GALNT13: variants seen among roughly 807,000 people sequenced by gnomAD.
GALNT13 encodes UDP-GalNAc:polypeptide N-acetylgalactosaminyltransferase 13.
In GALNT13, 28 loss-of-function variants were observed where a neutral mutation model predicts 64.2. The observed-to-expected ratio is 0.44, with a 90% CI of 0.32 to 0.60. GALNT13 has a LOEUF of 0.60. Among genes scored for constraint, GALNT13 ranks in the 20% least tolerant of loss-of-function variants. The pLI is 0.05. For synonymous variants in GALNT13, 214 were observed against 224.6 expected, an observed-to-expected ratio of 0.95 and a Z score of 0.42; for missense variants, 577 against 669.8, an observed-to-expected ratio of 0.86 and a Z score of 1.53.
At chr2:153,072,639 C>T in the GALNT13 span, among the ~76,000 whole-genome samples, 1 of 152,130 alleles carries the variant, frequency 6.6e-6, no homozygotes, top group African/African-American at 2.4e-5. Context: ...GGGATGTTGT[C>T]CCTTCCTTTT....
chr2:153,610,063 A>G, the GALNT13 span, among the ~76,000 whole-genome samples: 1 of 152,188 alleles, frequency 6.6e-6, no homozygotes, highest in Non-Finnish European at 1.5e-5. Flanking sequence ...GTTGACTGCT[A>G]GAAGTGGGAG....
At chr2:153,557,689 C>T in the GALNT13 span, among the ~76,000 whole-genome samples, 13 of 152,156 alleles carry the variant, frequency 8.5e-5, no homozygotes, top group Non-Finnish European at 1.9e-4. Context: ...GCTTAACATC[C>T]TTCAATTGGC....
chr2:153,279,104 T>G, the GALNT13 span, among the ~76,000 whole-genome samples: 5,741 of 152,124 alleles, frequency 0.038, 358 homozygotes, highest in African/African-American at 0.13. Context: ...AGGTATTTTT[T>G]TGTGTGTGTG....
chr2:154,347,855 G>A (rs994637839), intron 9 of GALNT13, among the ~76,000 whole-genome samples: 2 of 152,142 alleles, frequency 1.3e-5, no homozygotes, highest in African/African-American at 4.8e-5. Context: ...AGATCATACT[G>A]CTAGAAATTA....
chr2:153,775,099 A>G, the GALNT13 span, among the ~76,000 whole-genome samples: 5 of 152,204 alleles, frequency 3.3e-5, no homozygotes, highest in African/African-American at 4.8e-5. Context: ...GAAGTAATGC[A>G]AATTTTCCTT....
At chr2:154,025,622 G>A (rs752230233) in intron 3 of GALNT13, among the ~76,000 whole-genome samples, 1 of 152,142 alleles carries the variant, frequency 6.6e-6, no homozygotes, top group Non-Finnish European at 1.5e-5. Context: ...TTTACACAGT[G>A]TTAATTGTAG....
the GALNT13 span, among the ~76,000 whole-genome samples, chr2:153,521,449 C>A: frequency 0.014 from 2,090 of 152,274 alleles, 60 homozygotes; most frequent in African/African-American, 0.048. Context: ...TCTCATATAT[C>A]CCTTCCGTCT....
chr2:153,466,761 T>C, the GALNT13 span, among the ~76,000 whole-genome samples: 4 of 152,096 alleles, frequency 2.6e-5, no homozygotes, highest in South Asian at 6.2e-4. Flanking sequence ...ATACAGGACC[T>C]TGTATTTTTC....
chr2:153,609,363 ATCATAGT>A, the GALNT13 span, among the ~76,000 whole-genome samples: 1 of 152,216 alleles, frequency 6.6e-6, no homozygotes, highest in African/African-American at 2.4e-5. Context: ...TGTAATAATT[ATCATAGT>A]TCATAATGAC....
At chr2:153,163,836 G>A in the GALNT13 span, among the ~76,000 whole-genome samples, 60 of 152,042 alleles carry the variant, frequency 3.9e-4, no homozygotes, top group East Asian at 3.9e-3. Context: ...TGGCTAACAC[G>A]GTGAAACCCC....
At chr2:153,605,752 G>C in the GALNT13 span, among the ~76,000 whole-genome samples, 4 of 152,084 alleles carry the variant, frequency 2.6e-5, no homozygotes, top group African/African-American at 7.2e-5. Context: ...TCTCCAAAAG[G>C]GGTTGGTCAG....
intron 3 of GALNT13, among the ~76,000 whole-genome samples, chr2:154,025,556 A>G (rs969404850): frequency 1.6e-4 from 25 of 151,996 alleles, no homozygotes; most frequent in Admixed American, 3.3e-4. Context: ...GGTTTTATTC[A>G]GTATTATCCC....
At chr2:153,510,686 C>A in the GALNT13 span, among the ~76,000 whole-genome samples, 1 of 152,010 alleles carries the variant, frequency 6.6e-6, no homozygotes, top group Non-Finnish European at 1.5e-5. Context: ...ATGTTGAGGC[C>A]TGGGCTCTGT....
the GALNT13 span, among the ~76,000 whole-genome samples, chr2:153,445,226 T>A: frequency 3.9e-5 from 6 of 152,158 alleles, no homozygotes; most frequent in African/African-American, 1.4e-4. Context: ...CTTTTTCAGC[T>A]ATAAACAAGT....
the GALNT13 span, among the ~76,000 whole-genome samples, chr2:153,378,500 A>G: frequency 6.6e-6 from 1 of 152,122 alleles, no homozygotes; most frequent in Non-Finnish European, 1.5e-5. Context: ...TACTGGATCA[A>G]TCATGGCCAA....
chr2:154,302,696 G>A (rs187131118), intron 9 of GALNT13, among the ~76,000 whole-genome samples: 2 of 152,158 alleles, frequency 1.3e-5, no homozygotes, highest in Non-Finnish European at 2.9e-5. Flanking sequence ...ACACATCAGT[G>A]AACTCATATG....
At chr2:153,596,764 T>C in the GALNT13 span, among the ~76,000 whole-genome samples, 1 of 152,028 alleles carries the variant, frequency 6.6e-6, no homozygotes, top group Non-Finnish European at 1.5e-5. Context: ...TTAACATATA[T>C]ACACATATGT....
Position 154,179,426 on chromosome 2 carries a change from C to G in GALNT13, c.311+38921C>G, listed in dbSNP as rs1047476444. Among the ~76,000 whole-genome samples the G allele has an allele frequency of 1.2e-4, 18 of 152,022 alleles. 1 individual carries two copies. The highest frequency in any genetic ancestry group is 4.1e-4 in the African/African-American group (17 of 41,378). On this transcript the variant is annotated intron_variant, in intron 4 of 12. Coordinates refer to ENST00000392825, the MANE Select transcript of GALNT13 (RefSeq NM_052917.4). Reference sequence around the variant, plus strand: ...AATAAATTGTGAAAAGGGAAATTTGCTGGTAAATTACATGTATGATTTAAC... The same window carrying G: ...AATAAATTGTGAAAAGGGAAATTTGGTGGTAAATTACATGTATGATTTAAC...
At chr2:153,388,938 G>T in the GALNT13 span, among the ~76,000 whole-genome samples, 4 of 152,074 alleles carry the variant, frequency 2.6e-5, no homozygotes, top group African/African-American at 9.7e-5. Flanking sequence ...CTTGGAGAGA[G>T]TAGAAGTAGC....
Sources: gnomAD v4.1 joint callset for allele counts (sites outside exome capture counted in the v4.1 genomes callset) on GRCh38, gnomAD v4.1.1 for gene constraint, MANE v1.5 for transcripts, NCBI Gene and HGNC (gene_info 2026-07-23, HGNC 2026-07-21) for gene names.